Variants in NUP98 observed in about 807,000 individuals in gnomAD.
NUP98 encodes the protein nucleoporin 98 and 96 precursor, also known as nuclear pore complex protein Nup98-Nup96.
Under a neutral mutation model 191.9 loss-of-function variants are expected in NUP98, and 26 were observed. That is an observed-to-expected ratio of 0.14 (90% CI 0.10 to 0.19). The LOEUF is 0.19. Among genes scored for constraint, NUP98 ranks in the 10% least tolerant of loss-of-function variants. The pLI, the probability that NUP98 is intolerant of heterozygous loss-of-function variation, is 1.00. For synonymous variants in NUP98, 808 were observed against 778.4 expected (o/e 1.04, Z -0.63); for missense variants, 1,941 against 2,178.8 (o/e 0.89, Z 2.17).
At chr11:3,698,924 T>C in intron 25 of NUP98, 158 bp downstream of exon 25, 2 of 776,994 alleles carry the variant, frequency 2.6e-6, no homozygotes, top group Non-Finnish European at 4.2e-6. Context: ...TTATGTTATA[T>C]TACATATTCC....
intron 2 of NUP98, among the ~76,000 whole-genome samples, chr11:3,781,185 C>CAA (rs34704470): frequency 0.11 from 7,668 of 68,494 alleles, 686 homozygotes; most frequent in African/African-American, 0.25. Flanking sequence ...GATCCTATCT[C>CAA]AAAAAAAAAA....
intron 8 of NUP98, among the ~76,000 whole-genome samples, chr11:3,767,364 G>A (rs1203815711): frequency 4.0e-5 from 6 of 150,798 alleles, no homozygotes; most frequent in African/African-American, 7.3e-5. Flanking sequence ...GTCTCTCTTC[G>A]TCGCCCAGGT....
chr11:3,787,790 G>C (rs565410062), intron 1 of NUP98, among the ~76,000 whole-genome samples: 11 of 152,086 alleles, frequency 7.2e-5, no homozygotes, highest in Admixed American at 3.9e-4. Context: ...TCAAGAGATC[G>C]AGACCATCCT....
rs1425394088 is a variant in NUP98, at chr11:3,683,565, T to C, written c.4677-124A>G. On this transcript the variant is annotated intron_variant, in intron 29 of 32. Transcript: ENST00000324932. ...CAGGTCTTTTTTTTTTTTGATGGAG[T>C]TTCACTCTTGTTGCCCAGGCTGGAG... The C allele has an allele frequency of 3.0e-6, 3 of 1,014,436 alleles. No individual in the cohort carries two copies. In the Admixed American group the frequency reaches 8.5e-5, roughly 29 times the overall value. 62.8% of individuals were successfully genotyped at this position (1,014,436 alleles called of 1,614,324 possible). A position where few individuals can be genotyped will look rare whatever the true frequency, so the allele number is the denominator to read the frequency against.
At chr11:3,693,005 G>C (rs2078366894) in intron 27 of NUP98, 2 of 452,354 alleles carry the variant, frequency 4.4e-6, no homozygotes, top group Non-Finnish European at 7.8e-6. Context: ...GACAGCATTA[G>C]AAATGAAGAA....
chr11:3,777,103 T>C (rs1388606609), intron 4 of NUP98, among the ~76,000 whole-genome samples: 2 of 152,110 alleles, frequency 1.3e-5, no homozygotes, highest in African/African-American at 4.8e-5. Flanking sequence ...AATATACAAG[T>C]GGTCCTATTA....
chr11:3,686,662 A>G (rs1020380759), intron 28 of NUP98, among the ~76,000 whole-genome samples: 4 of 152,150 alleles, frequency 2.6e-5, no homozygotes, highest in African/African-American at 9.7e-5. Flanking sequence ...ACATATGTAG[A>G]CACCTGTAAA....
chr11:3,793,280 C>G (rs1001171671), intron 1 of NUP98, among the ~76,000 whole-genome samples: 1 of 152,070 alleles, frequency 6.6e-6, no homozygotes, highest in African/African-American at 2.4e-5. Flanking sequence ...AATGCAAAGA[C>G]TGGTACATTT....
chr11:3,721,770 A>C (rs2079411155), intron 16 of NUP98, among the ~76,000 whole-genome samples: 1 of 152,104 alleles, frequency 6.6e-6, no homozygotes, highest in Non-Finnish European at 1.5e-5. Context: ...AAAATACCAA[A>C]ATAAAAAAAG....
At chr11:3,753,894 G>C (rs1279191198) in intron 10 of NUP98, among the ~76,000 whole-genome samples, 1 of 149,850 alleles carries the variant, frequency 6.7e-6, no homozygotes, top group Admixed American at 6.7e-5. Flanking sequence ...AGCCTAGATT[G>C]CGCCACTGCA....
chr11:3,793,442 T>C (rs1468904760), intron 1 of NUP98, among the ~76,000 whole-genome samples: 1 of 151,744 alleles, frequency 6.6e-6, no homozygotes, highest in African/African-American at 2.4e-5. Flanking sequence ...TGCGTGTCAC[T>C]GTGCCCAACT....
rs752462388 is a variant in NUP98, at chr11:3,711,802, C to T, written c.2742+762G>A. The T allele has an allele frequency of 4.8e-4, 483 of 1,001,836 alleles. 1 individual carries two copies. The highest frequency in any genetic ancestry group is 2.8e-3 in the Middle Eastern group (6 of 2,136). The allele number at this position is 1,001,836 out of a possible 1,614,324, so 62.1% of individuals were successfully genotyped here. A position where few individuals can be genotyped will look rare whatever the true frequency, so the allele number is the denominator to read the frequency against. ...ATCATACCCTCCCCTCCCCTGTACG[C>T]GCAAACATGTATATACACACATTCT... On this transcript the variant is annotated intron_variant, in intron 20 of 32. Transcript: ENST00000324932.
At chr11:3,727,201 T>C (rs779787120) in intron 14 of NUP98, among the ~76,000 whole-genome samples, 1 of 152,094 alleles carries the variant, frequency 6.6e-6, no homozygotes, top group South Asian at 2.1e-4. Context: ...TGAACACAGT[T>C]GTGCACACAC....
At chr11:3,762,735 T>G (rs544711413) in intron 9 of NUP98, among the ~76,000 whole-genome samples, 167 bp downstream of exon 9, 1 of 152,318 alleles carries the variant, frequency 6.6e-6, no homozygotes, top group South Asian at 2.1e-4. Flanking sequence ...TAACCTGAAA[T>G]TTCATTTTAT....
In NUP98 at chr11:3,686,157, T is replaced by C; in HGVS notation, c.4492A>G (p.Ile1498Val). The C allele has an allele frequency of 6.2e-7, 1 of 1,614,272 alleles. No homozygotes were observed. Among genetic ancestry groups the C allele is most frequent in the Non-Finnish European group, 8.5e-7 (1 of 1,180,052 alleles). Residue 1498 changes from isoleucine (I) to valine (V), a missense_variant, in exon 29 of 33, where the codon ATA becomes GTA. Transcript: ENST00000324932. ...DLNQLLEPRS[I>V]TADPLDYRLS... ...CGGTAGTCCAAAGGATCTGCTGTTA[T>C]GCTTCGAGGCTCCAGCAGCTGGTTG...
At chr11:3,750,100 G>C (rs893741917) in intron 11 of NUP98, among the ~76,000 whole-genome samples, 1 of 152,180 alleles carries the variant, frequency 6.6e-6, no homozygotes, top group African/African-American at 2.4e-5. Flanking sequence ...GTATATGTAT[G>C]ATGTGTGTAA....
At chr11:3,689,141 A>G (rs997353101) in intron 28 of NUP98, among the ~76,000 whole-genome samples, 1 of 151,946 alleles carries the variant, frequency 6.6e-6, no homozygotes, top group Non-Finnish European at 1.5e-5. Context: ...GCTGAGGTGA[A>G]AGGATCGCCT....
chr11:3,761,691 G>C (rs2081175340), intron 9 of NUP98, among the ~76,000 whole-genome samples: 1 of 152,194 alleles, frequency 6.6e-6, no homozygotes, highest in Admixed American at 6.5e-5. Context: ...CCGGGAGGCA[G>C]AGGTTGCAGT....
At chr11:3,708,456 G>A (rs907541305) in intron 20 of NUP98, among the ~76,000 whole-genome samples, 2 of 152,098 alleles carry the variant, frequency 1.3e-5, no homozygotes, top group Admixed American at 6.6e-5. Context: ...GTATGTTTAC[G>A]AAGAATGCTA....
Sources: allele counts gnomAD v4.1 joint callset (sites outside exome capture counted in the v4.1 genomes callset), GRCh38; gene constraint gnomAD v4.1.1; transcripts MANE v1.5; gene names NCBI Gene and HGNC (gene_info 2026-07-23, HGNC 2026-07-21).